Variants in SP3 observed in about 807,000 individuals in gnomAD.
The protein encoded by SP3 is transcription factor Sp3.
Under a neutral mutation model 70.3 loss-of-function variants are expected in SP3, and 10 were observed. That is an observed-to-expected ratio of 0.14 (90% CI 0.09 to 0.24). SP3 has a LOEUF of 0.24. SP3 is among the 10% of genes least tolerant of loss of function. SP3 has a pLI of 1.00. For synonymous variants in SP3, 402 were observed against 333.5 expected, an observed-to-expected ratio of 1.21 and a Z score of -2.24; for missense variants, 825 against 914.6, an observed-to-expected ratio of 0.90 and a Z score of 1.26.
At position 173,964,497 on chromosome 2, in the gene SP3, C is replaced by T. The variant is rs1558910100; in HGVS notation, c.64G>A (p.Gly22Ser). Residue 22 changes from glycine to serine, a missense_variant, in exon 2 of 7, where the codon GGC (glycine) becomes AGC (serine). By Grantham distance (56) the Gly-to-Ser change is moderately conservative (BLOSUM62 0). Transcript: ENST00000310015. ...EMAALDVDSG[G>S]GGGGGGGHGE... ...TGGCCGCCGCCGCCGCCACCGCCGC[C>T]GCCGCTATCCACGTCCAAGGCAGCC... 1.3e-5 allele frequency: 9 copies of T among 700,390 alleles called. No individual in the cohort carries two copies. The highest frequency in any genetic ancestry group is 2.4e-5 in the Non-Finnish European group (9 of 377,084). 43.4% of individuals were successfully genotyped at this position (700,390 alleles called of 1,614,324 possible).
chr2:173,910,010 T>G lies in SP3; in HGVS notation c.2277A>C (p.Gln759His). Residue 759 changes from glutamine to histidine, a missense_variant, in exon 7 of 7, where the codon CAA becomes CAC. Coordinates refer to ENST00000310015, the MANE Select transcript of SP3 (RefSeq NM_003111.5). ...GTATTTCAGTGTTGGTAAGGATATC[T>G]TGATTGCTGGTGGCGGAAGTATTAA... The part of the protein sequence containing the change: ...GTVNTSATSN[Q>H]DILTNTEIPL... The G allele has an allele frequency of 6.2e-7, 1 of 1,613,962 alleles. No homozygotes were observed. The highest frequency in any genetic ancestry group is 8.5e-7 in the Non-Finnish European group (1 of 1,179,878).
intron 2 of SP3, 98 bp downstream of exon 2, chr2:173,964,307 A>G (rs1403706164): frequency 4.9e-5 from 27 of 547,968 alleles, no homozygotes; most frequent in East Asian, 7.4e-5. Context: ...GAGGGGAGAG[A>G]CGAGGAGGGA....
chr2:173,907,685 G>A lies in SP3; in HGVS notation c.*2256C>T, dbSNP rs1401252622. 6.6e-6 allele frequency: 1 copy of A among 151,996 alleles called. No individual in the cohort carries two copies. Among genetic ancestry groups the A allele is most frequent in the Non-Finnish European group, 1.5e-5 (1 of 67,942 alleles). The allele number at this position is 151,996 out of a possible 1,614,324, so 9.4% of individuals were successfully genotyped here. On this transcript the variant is annotated 3_prime_UTR_variant, in exon 7 of 7. Transcript: ENST00000310015. ...CAAATGGTTTAATCTGACTTAATGGGCAGTTTGCTCAAGTGAACCACCTGC... is the reference window on the plus strand; with the variant it reads ...CAAATGGTTTAATCTGACTTAATGGACAGTTTGCTCAAGTGAACCACCTGC...
At chr2:173,949,663 TA>T (rs1456812914) in intron 4 of SP3, among the ~76,000 whole-genome samples, 23 of 152,136 alleles carry the variant, frequency 1.5e-4, no homozygotes, top group African/African-American at 5.3e-4. Flanking sequence ...ACTTAAATAT[TA>T]AGTTAAAAAA....
At chr2:173,933,006 A>T (rs1404343161) in intron 4 of SP3, among the ~76,000 whole-genome samples, 1 of 152,146 alleles carries the variant, frequency 6.6e-6, no homozygotes, top group Non-Finnish European at 1.5e-5. Flanking sequence ...CAAAAATAAA[A>T]AATAATAATG....
chr2:173,952,366 C>A (rs756252664), intron 4 of SP3, among the ~76,000 whole-genome samples: 101 of 152,044 alleles, frequency 6.6e-4, no homozygotes, highest in Non-Finnish European at 1.2e-3. Flanking sequence ...GAACTACAAA[C>A]CAAAACCATA....
At chr2:173,943,478 C>A (rs1690437621) in intron 4 of SP3, among the ~76,000 whole-genome samples, 1 of 152,094 alleles carries the variant, frequency 6.6e-6, no homozygotes, top group African/African-American at 2.4e-5. Context: ...TATTCCATAA[C>A]TCTGCTTTAC....
chr2:173,938,018 G>GT (rs1690256640), intron 4 of SP3, among the ~76,000 whole-genome samples: 1 of 152,114 alleles, frequency 6.6e-6, no homozygotes, highest in South Asian at 2.1e-4. Flanking sequence ...TCATATGCAC[G>GT]TAAGACTAAA....
chr2:173,928,437 T>C (rs957715731), intron 4 of SP3, among the ~76,000 whole-genome samples: 1 of 151,604 alleles, frequency 6.6e-6, no homozygotes, highest in African/African-American at 2.4e-5. Context: ...ACTGCTGCAA[T>C]GGCTAGGGGG....
Position 173,909,863 on chromosome 2 carries a change from A to T in SP3, c.*78T>A, listed in dbSNP as rs776373136. 20 of 1,433,854 alleles carry T rather than the reference A, an allele frequency of 1.4e-5. No individual in the cohort carries two copies. Among genetic ancestry groups the T allele is most frequent in the Non-Finnish European group, 1.9e-5 (20 of 1,056,142 alleles). 88.8% of individuals were successfully genotyped at this position (1,433,854 alleles called of 1,614,324 possible). ...AAAATTTTTGCACATCAATAAAAAGATATCTAAGAACTTAGGAACAATATT... is the reference window on the plus strand; with the variant it reads ...AAAATTTTTGCACATCAATAAAAAGTTATCTAAGAACTTAGGAACAATATT... On this transcript the variant is annotated 3_prime_UTR_variant, in exon 7 of 7. Coordinates refer to ENST00000310015, the MANE Select transcript of SP3 (RefSeq NM_003111.5).
chr2:173,944,677 G>A (rs1179605847), intron 4 of SP3, among the ~76,000 whole-genome samples: 3 of 152,168 alleles, frequency 2.0e-5, no homozygotes, highest in Non-Finnish European at 4.4e-5. Flanking sequence ...GCACACATCA[G>A]GTGATTTCCA....
rs932828610 is a variant in SP3, at chr2:173,904,917, C to A, written c.*5024G>T. ...TGGCCTTTCCTAATCTTAAAAACCA[C>A]TTCAGTGCTAGACTTTATCTTTCAG... is the stretch of plus-strand genomic sequence containing the variant. On this transcript the variant is annotated 3_prime_UTR_variant, in exon 7 of 7. Transcript: ENST00000310015. 6.6e-6 allele frequency among the ~76,000 whole-genome samples: 1 copy of A among 152,212 alleles called. No individual in the cohort carries two copies.
At chr2:173,957,384 A>ATC (rs1690930047) in intron 3 of SP3, among the ~76,000 whole-genome samples, 1 of 152,202 alleles carries the variant, frequency 6.6e-6, no homozygotes, top group Non-Finnish European at 1.5e-5. Context: ...ACTCTGTGGA[A>ATC]GACACAAGAT....
chr2:173,935,420 C>CA (rs907416067), intron 4 of SP3, among the ~76,000 whole-genome samples: 13 of 152,262 alleles, frequency 8.5e-5, no homozygotes, highest in African/African-American at 3.1e-4. Context: ...ACAAAACAAT[C>CA]AAAACCAAAC....
intron 1 of SP3, 99 bp downstream of exon 1, chr2:173,965,066 C>A (rs1386620433): frequency 3.4e-6 from 5 of 1,481,544 alleles, no homozygotes; most frequent in East Asian, 2.5e-5. Context: ...CGGTCGCACA[C>A]ACGGGGCCGA....
Position 173,901,725 on chromosome 2 carries a change from G to A in SP3, c.*8216C>T, listed in dbSNP as rs1315044734. ...TTTTTTTTTTTTTTTTTTTTGAGAC[G>A]AAATCTTGCTCTGTCGCCCAGGCTG... is the stretch of plus-strand genomic sequence containing the variant. On this transcript the variant is annotated 3_prime_UTR_variant, in exon 7 of 7. Coordinates refer to ENST00000310015, the MANE Select transcript of SP3 (RefSeq NM_003111.5). Among the ~76,000 whole-genome samples the A allele has an allele frequency of 1.0e-5, 1 of 100,164 alleles. No individual in the cohort carries two copies. Among genetic ancestry groups the A allele is most frequent in the East Asian group, 3.3e-4 (1 of 2,998 alleles). The allele number at this position is 100,164 out of a possible 152,430, so 65.7% of individuals were successfully genotyped here.
chr2:173,919,612 A>G (rs936844870), intron 4 of SP3, among the ~76,000 whole-genome samples: 11 of 152,216 alleles, frequency 7.2e-5, no homozygotes, highest in Non-Finnish European at 1.6e-4. Flanking sequence ...AAAGGTATTC[A>G]ACATTGTTAA....
At chr2:173,959,310 C>A (rs1690987515) in intron 3 of SP3, among the ~76,000 whole-genome samples, 1 of 146,744 alleles carries the variant, frequency 6.8e-6, no homozygotes, top group African/African-American at 2.5e-5. Context: ...CACTAAATAC[C>A]AAATGGGAGA....
intron 4 of SP3, among the ~76,000 whole-genome samples, chr2:173,929,334 T>TG (rs1282909336): frequency 2.0e-5 from 3 of 152,202 alleles, no homozygotes. Context: ...AAAATACACC[T>TG]GTCCCTCCAT....
Sources: allele counts gnomAD v4.1 joint callset (sites outside exome capture counted in the v4.1 genomes callset), GRCh38; gene constraint gnomAD v4.1.1; transcripts MANE v1.5; gene names NCBI Gene and HGNC (gene_info 2026-07-23, HGNC 2026-07-21).